The following ANKRD10 variants were observed in gnomAD, a reference collection of about 807,000 sequenced individuals.
The protein encoded by ANKRD10 is ankyrin repeat domain-containing protein 10.
In ANKRD10, 14 loss-of-function variants were observed where a neutral mutation model predicts 27.0. The observed-to-expected ratio is 0.52, with a 90% CI of 0.34 to 0.81. The LOEUF is 0.81. ANKRD10 is among the 40% of genes least tolerant of loss of function. The pLI, the probability that ANKRD10 is intolerant of heterozygous loss-of-function variation, is 0.01. For missense variants in ANKRD10, 493 were observed against 544.0 expected (o/e 0.91, Z 0.93); for synonymous variants, 250 against 224.5 (o/e 1.11, Z -1.01).
chr13:110,906,303 C>G lies in ANKRD10; in HGVS notation c.364-179G>C, dbSNP rs572948037. Among the ~76,000 whole-genome samples the G allele has an allele frequency of 2.0e-5, 3 of 152,160 alleles. No individual in the cohort carries two copies. The East Asian group carries it at 5.8e-4, about 29-fold the overall frequency. On this transcript the variant is annotated intron_variant, in intron 2 of 5. Coordinates refer to ENST00000267339, the MANE Select transcript of ANKRD10 (RefSeq NM_017664.4). ...ACGTGAATGGAGGATGAGAACGAAC[C>G]AGGAGGGGCCAAGATATTTGGTCGT...
chr13:110,887,371 G>A (rs1305206268), intron 4 of ANKRD10, among the ~76,000 whole-genome samples: 2 of 152,118 alleles, frequency 1.3e-5, no homozygotes, highest in East Asian at 3.9e-4. Flanking sequence ...CACCAAGGTC[G>A]TGCCACTACA....
At chr13:110,899,886 A>G (rs541866873) in intron 3 of ANKRD10, among the ~76,000 whole-genome samples, 2 of 152,282 alleles carry the variant, frequency 1.3e-5, no homozygotes, top group Admixed American at 6.5e-5. Context: ...CTTATATGCT[A>G]TATTTTCTTA....
intron 2 of ANKRD10, among the ~76,000 whole-genome samples, chr13:110,907,555 A>G (rs1233802449): frequency 6.6e-6 from 1 of 152,234 alleles, no homozygotes; most frequent in Non-Finnish European, 1.5e-5. Context: ...AAATAAGAGT[A>G]TGAAAGGCTC....
At chr13:110,909,538 C>G (rs991051031) in intron 2 of ANKRD10, among the ~76,000 whole-genome samples, 34 of 152,220 alleles carry the variant, frequency 2.2e-4, no homozygotes, top group African/African-American at 7.7e-4. Flanking sequence ...AAACTTGTCC[C>G]ATATCCCACA....
intron 4 of ANKRD10, among the ~76,000 whole-genome samples, chr13:110,891,880 T>TC (rs1420725137): frequency 6.7e-6 from 1 of 150,242 alleles, no homozygotes; most frequent in Non-Finnish European, 1.5e-5. Context: ...ACTTTTTTTT[T>TC]TTTTTTTTTT....
intron 1 of ANKRD10, chr13:110,914,481 G>A (rs2065825064): frequency 8.2e-6 from 3 of 365,138 alleles, no homozygotes; most frequent in Admixed American, 5.0e-5. Context: ...TGCGCCCTAG[G>A]CCCCTCCGGA....
chr13:110,898,761 T>C lies in ANKRD10; in HGVS notation c.456-5498A>G, dbSNP rs1407563859. ...CTAGTTTTTCTTTTCTTTTTTTTTT[T>C]TTTTTTTTTTTGAGACGGAGTTTCA... On this transcript the variant is annotated intron_variant, in intron 3 of 5. Transcript: ENST00000267339. 1.3e-4 allele frequency among the ~76,000 whole-genome samples: 19 copies of C among 145,626 alleles called. 1 individual carries two copies. The highest frequency in any genetic ancestry group is 9.0e-4 in the Admixed American group (12 of 13,272).
intron 1 of ANKRD10, among the ~76,000 whole-genome samples, chr13:110,911,388 G>A (rs1266110372): frequency 6.6e-6 from 1 of 152,038 alleles, no homozygotes. Context: ...GAAGGCGGAG[G>A]TTGCAGAGGG....
intron 1 of ANKRD10, among the ~76,000 whole-genome samples, chr13:110,913,238 G>A (rs1395748142): frequency 2.0e-5 from 3 of 152,324 alleles, no homozygotes; most frequent in Non-Finnish European, 4.4e-5. Context: ...AGGGTAGAAA[G>A]GACAGAATCC....
At position 110,910,975 on chromosome 13, in the gene ANKRD10, GATAGAA is replaced by G. The variant is rs748718492; in HGVS notation, c.211-211_211-206del. Among the ~76,000 whole-genome samples, 40 of 152,278 alleles carry G rather than the reference GATAGAA, an allele frequency of 2.6e-4. 1 individual carries two copies. Among genetic ancestry groups the G allele is most frequent in the South Asian group, 1.7e-3 (8 of 4,828 alleles). On this transcript the variant is annotated intron_variant, in intron 1 of 5. Transcript: ENST00000267339. Reference sequence around the variant, plus strand: ...CCTTGTCCTTATGAAAAAGACGGTAGATAGAAATAGAAAAATGCAAAAAGACGACTA... The same window carrying G: ...CCTTGTCCTTATGAAAAAGACGGTAGATAGAAAAATGCAAAAAGACGACTA...
chr13:110,884,887 CTA>C (rs1282186761), intron 4 of ANKRD10, among the ~76,000 whole-genome samples: 1 of 152,120 alleles, frequency 6.6e-6, no homozygotes, highest in African/African-American at 2.4e-5. Context: ...TGAATTAGCT[CTA>C]GTTTTAGAGG....
intron 4 of ANKRD10, among the ~76,000 whole-genome samples, chr13:110,887,158 T>G (rs2064953277): frequency 6.6e-6 from 1 of 152,186 alleles, no homozygotes; most frequent in African/African-American, 2.4e-5. Context: ...ATGCTCCACT[T>G]GGGGCTGATG....
At chr13:110,912,451 TATTA>T (rs1398366264) in intron 1 of ANKRD10, among the ~76,000 whole-genome samples, 1 of 152,222 alleles carries the variant, frequency 6.6e-6, no homozygotes, top group East Asian at 1.9e-4. Flanking sequence ...AAAATGAAAG[TATTA>T]ATTAGCGATA....
chr13:110,885,837 G>A (rs1471713096), intron 4 of ANKRD10, among the ~76,000 whole-genome samples: 1 of 152,212 alleles, frequency 6.6e-6, no homozygotes, highest in Non-Finnish European at 1.5e-5. Context: ...AGATGCCAAT[G>A]TTCCCCGGAT....
chr13:110,892,692 T>G, intron 4 of ANKRD10: 2 of 956,886 alleles, frequency 2.1e-6, no homozygotes, highest in Non-Finnish European at 2.4e-6. Context: ...AAAAAAAAAA[T>G]TCAGGCACAG....
At chr13:110,904,024 C>T (rs1485106420) in intron 3 of ANKRD10, 1 of 152,126 alleles carries the variant, frequency 6.6e-6, no homozygotes, top group Non-Finnish European at 1.5e-5. Context: ...TTAAAATGTG[C>T]AGAAATCAAG....
Position 110,914,833 on chromosome 13 carries a change from G to C in ANKRD10, c.102C>G (p.Asp34Glu), listed in dbSNP as rs745724193. The C allele has an allele frequency of 6.3e-7, 1 of 1,582,118 alleles. No homozygotes were observed. The highest frequency in any genetic ancestry group is 8.6e-7 in the Non-Finnish European group (1 of 1,165,280). ...FPLHRACRDG[D>E]LATLCSLLQQ... ...GCAGCAGCGAGCAGAGCGTGGCCAG[G>C]TCCCCGTCGCGGCAGGCGCGGTGCA... The change falls in exon 1 of 6, where the codon GAC (aspartate) becomes GAG (glutamate). Residue 34 changes from aspartate to glutamate, a missense_variant. Transcript: ENST00000267339.
intron 4 of ANKRD10, among the ~76,000 whole-genome samples, chr13:110,884,061 C>G (rs958851704): frequency 6.6e-6 from 1 of 152,042 alleles, no homozygotes; most frequent in African/African-American, 2.4e-5. Context: ...ATTTTCTGGA[C>G]ATTTAGAAGA....
intron 5 of ANKRD10, among the ~76,000 whole-genome samples, chr13:110,880,996 T>C (rs1435798748): frequency 6.6e-6 from 1 of 152,178 alleles, no homozygotes; most frequent in Non-Finnish European, 1.5e-5. Context: ...TATACAGACA[T>C]CTATCAGGAG....
Sources: gnomAD v4.1 joint callset for allele counts (sites outside exome capture counted in the v4.1 genomes callset) on GRCh38, gnomAD v4.1.1 for gene constraint, MANE v1.5 for transcripts, NCBI Gene and HGNC (gene_info 2026-07-23, HGNC 2026-07-21) for gene names.